The following PLB1 variants were observed in gnomAD, a reference collection of about 807,000 sequenced individuals.
The protein encoded by PLB1 is phospholipase B1, also known as phospholipase B1, membrane-associated.
Under a neutral mutation model 227.4 loss-of-function variants are expected in PLB1, and 242 were observed. The ratio of observed to expected loss-of-function variants is 1.06; its 90% CI spans 0.96 to 1.18. The LOEUF (loss-of-function observed/expected upper bound fraction) is 1.18. Ranked by LOEUF, PLB1 falls within the 50% of genes most tolerant of loss-of-function variation. The pLI is 0.00. For synonymous variants in PLB1, 757 were observed against 682.2 expected, an observed-to-expected ratio of 1.11 and a Z score of -1.71; for missense variants, 1,858 against 1,816.3, an observed-to-expected ratio of 1.02 and a Z score of -0.42.
chr2:28,634,350 T>TC (rs1281043986), intron 56 of PLB1, among the ~76,000 whole-genome samples: 2 of 152,166 alleles, frequency 1.3e-5, no homozygotes, highest in Admixed American at 1.3e-4. Context: ...ACTGGCTGAA[T>TC]CATGTGACTT....
At chr2:28,600,535 A>T (rs141979224) in intron 35 of PLB1, among the ~76,000 whole-genome samples, 1 of 152,244 alleles carries the variant, frequency 6.6e-6, no homozygotes, top group African/African-American at 2.4e-5. Context: ...GCCCTTTTGC[A>T]TGTGGAGTCC....
chr2:28,628,113 G>A (rs1688059460), intron 51 of PLB1, among the ~76,000 whole-genome samples: 1 of 152,222 alleles, frequency 6.6e-6, no homozygotes, highest in Admixed American at 6.5e-5. Flanking sequence ...CTGAGTCACA[G>A]GGGATAGAAG....
At chr2:28,629,507 A>G (rs569415320) in intron 53 of PLB1, among the ~76,000 whole-genome samples, 1 of 152,354 alleles carries the variant, frequency 6.6e-6, no homozygotes, top group African/African-American at 2.4e-5. Context: ...GCATGGGGCC[A>G]TGAGCTTTCA....
At chr2:28,583,761 T>A (rs1680450929) in intron 25 of PLB1, among the ~76,000 whole-genome samples, 1 of 151,988 alleles carries the variant, frequency 6.6e-6, no homozygotes, top group Non-Finnish European at 1.5e-5. Context: ...GGCTAAGACC[T>A]GCGTGCATTA....
At chr2:28,632,878 G>A in intron 55 of PLB1, 66 bp from the exon 56 acceptor site, 1 of 1,190,168 alleles carries the variant, frequency 8.4e-7, no homozygotes, top group Admixed American at 1.7e-5. Context: ...CCTGCTGGGA[G>A]AGTGAGTGGG....
intron 6 of PLB1, 22 bp downstream of exon 6, chr2:28,525,967 C>T: frequency 6.2e-7 from 1 of 1,613,830 alleles, no homozygotes; most frequent in Non-Finnish European, 8.5e-7. Flanking sequence ...TTTTCACGGC[C>T]AGATTTCAGA....
chr2:28,618,295 A>C, intron 45 of PLB1, 46 bp from the exon 46 acceptor site: 1 of 1,527,550 alleles, frequency 6.5e-7, no homozygotes, highest in Non-Finnish European at 9.1e-7. Flanking sequence ...TTTAAGAGGT[A>C]GATACCCCCA....
At chr2:28,500,732 T>A (rs373787959) in intron 1 of PLB1, among the ~76,000 whole-genome samples, 47 of 152,102 alleles carry the variant, frequency 3.1e-4, no homozygotes, top group East Asian at 1.4e-3. Flanking sequence ...GGCAATATAG[T>A]GAGACCCCGT....
chr2:28,578,025 T>C (rs1679280237), intron 21 of PLB1, 82 bp from the exon 22 acceptor site: 1 of 1,378,232 alleles, frequency 7.3e-7, no homozygotes, highest in Admixed American at 1.7e-5. Context: ...TCCTCCACCA[T>C]ACATTTGATT....
chr2:28,639,304 G>C (rs1012260167), intron 56 of PLB1, among the ~76,000 whole-genome samples: 2 of 151,110 alleles, frequency 1.3e-5, no homozygotes, highest in Non-Finnish European at 2.9e-5. Context: ...TTTGATGGAT[G>C]CTTCTGAGAA....
intron 17 of PLB1, among the ~76,000 whole-genome samples, chr2:28,555,173 GCT>G (rs1674866096): frequency 2.4e-5 from 2 of 83,080 alleles, no homozygotes; most frequent in Non-Finnish European, 2.3e-5. Context: ...ACAGAGTTTT[GCT>G]CTGTCACCCA....
Position 28,618,388 on chromosome 2 carries a change from G to C in PLB1, c.3304G>C (p.Asp1102His), listed in dbSNP as rs576518829. 6.2e-7 allele frequency: 1 copy of C among 1,614,112 alleles called. No individual in the cohort carries two copies. Among genetic ancestry groups the C allele is most frequent in the Non-Finnish European group, 8.5e-7 (1 of 1,179,996 alleles). The part of the protein sequence containing the change: ...ADIKVVAALG[D>H]SLTTAVGARP... The stretch of plus-strand genomic sequence containing the variant: ...CATCAAAGTGGTGGCCGCCCTGGGT[G>C]ACTCTCTGACTGTGAGTAGTGAGCC... Residue 1102 changes from aspartate to histidine, a missense_variant, in exon 46 of 58, where the codon GAC (aspartate) becomes CAC (histidine). Asp to His is a moderately conservative substitution (Grantham distance 81). Transcript: ENST00000327757.
intron 9 of PLB1, among the ~76,000 whole-genome samples, chr2:28,537,175 G>A (rs1433194185): frequency 1.3e-5 from 2 of 152,174 alleles, no homozygotes; most frequent in Admixed American, 1.3e-4. Context: ...TGAAGGGGCA[G>A]AGAAACAGGG....
intron 12 of PLB1, among the ~76,000 whole-genome samples, chr2:28,541,239 C>G (rs1428602026): frequency 1.3e-5 from 2 of 151,898 alleles, no homozygotes; most frequent in Non-Finnish European, 2.9e-5. Flanking sequence ...GCCACCATCC[C>G]TCTTAGCAAA....
chr2:28,540,479 G>C (rs199572724), intron 12 of PLB1, 38 bp downstream of exon 12: 2 of 1,575,498 alleles, frequency 1.3e-6, no homozygotes, highest in African/African-American at 2.7e-5. Flanking sequence ...CTGGCTCACC[G>C]GGGTGGCGTG....
At chr2:28,598,558 A>C in intron 34 of PLB1, 94 bp from the exon 35 acceptor site, 1 of 946,442 alleles carries the variant, frequency 1.1e-6, no homozygotes. Context: ...ATGATAACAC[A>C]GCCCACTTTG....
At chr2:28,500,844 GT>G (rs555741991) in intron 1 of PLB1, among the ~76,000 whole-genome samples, 2 of 152,210 alleles carry the variant, frequency 1.3e-5, no homozygotes, top group Non-Finnish European at 2.9e-5. Context: ...TGATGCCAAA[GT>G]TATTACAGAT....
chr2:28,499,940 C>CT (rs1432958406), intron 1 of PLB1, among the ~76,000 whole-genome samples: 2 of 151,924 alleles, frequency 1.3e-5, no homozygotes, highest in African/African-American at 4.8e-5. Flanking sequence ...TTGCTAATGG[C>CT]TTTTTTTGTA....
intron 9 of PLB1, among the ~76,000 whole-genome samples, chr2:28,532,864 T>G (rs1003513940): frequency 1.5e-4 from 23 of 152,138 alleles, no homozygotes; most frequent in South Asian, 2.1e-4. Flanking sequence ...TGTGGTCTCG[T>G]TTATTATTTA....
Sources: gnomAD v4.1 joint callset for allele counts (sites outside exome capture counted in the v4.1 genomes callset) on GRCh38, gnomAD v4.1.1 for gene constraint, MANE v1.5 for transcripts, NCBI Gene and HGNC (gene_info 2026-07-23, HGNC 2026-07-21) for gene names.